Variants in CAMK1D observed in about 807,000 individuals in gnomAD.
The protein encoded by CAMK1D is calcium/calmodulin-dependent protein kinase type 1D.
A neutral mutation model predicts 47.7 loss-of-function variants in CAMK1D; 9 were observed. The ratio of observed to expected loss-of-function variants is 0.19; its 90% CI spans 0.11 to 0.33. CAMK1D has a LOEUF of 0.33. Ranked by LOEUF, CAMK1D falls within the 10% of genes least tolerant of loss-of-function variation. The probability of loss-of-function intolerance (pLI) is 1.00; values close to 1 mark genes in which losing one functional copy is unlikely to be tolerated. For missense variants in CAMK1D, 291 were observed against 488.7 expected (o/e 0.60, Z 3.81); for synonymous variants, 184 against 184.9 (o/e 0.99, Z 0.04).
intron 1 of CAMK1D, among the ~76,000 whole-genome samples, chr10:12,479,128 C>T (rs932483940): frequency 7.9e-5 from 12 of 152,194 alleles, no homozygotes; most frequent in Non-Finnish European, 1.5e-4. Flanking sequence ...AAAACGGCTC[C>T]TGGCCCTGCC....
At chr10:12,682,532 G>C (rs760488400) in intron 3 of CAMK1D, among the ~76,000 whole-genome samples, 1 of 152,174 alleles carries the variant, frequency 6.6e-6, no homozygotes, top group Non-Finnish European at 1.5e-5. Context: ...TTCAGAATTT[G>C]CTCATTTAGC....
At chr10:12,701,152 AC>A (rs1833503330) in intron 3 of CAMK1D, among the ~76,000 whole-genome samples, 1 of 147,246 alleles carries the variant, frequency 6.8e-6, no homozygotes, top group South Asian at 2.1e-4. Context: ...TACTCTTGTC[AC>A]CCAGGCTGGA....
chr10:12,402,140 C>T (rs923696601), intron 1 of CAMK1D, among the ~76,000 whole-genome samples: 1 of 151,800 alleles, frequency 6.6e-6, no homozygotes, highest in Non-Finnish European at 1.5e-5. Context: ...CAGGGTTTTG[C>T]CATGTTGGCC....
intron 1 of CAMK1D, among the ~76,000 whole-genome samples, chr10:12,531,231 C>T (rs142669852): frequency 1.3e-5 from 2 of 152,088 alleles, no homozygotes; most frequent in South Asian, 2.1e-4. Context: ...GAGAGACCAT[C>T]GCAGTTTGAT....
Position 12,831,108 on chromosome 10 carries a change from A to G in CAMK1D, c.*2221A>G, listed in dbSNP as rs569672952. 6.6e-6 allele frequency: 1 copy of G among 152,190 alleles called. No homozygotes were observed. Among genetic ancestry groups the G allele is most frequent in the Non-Finnish European group, 1.5e-5 (1 of 68,060 alleles). The allele number at this position is 152,190 out of a possible 1,614,324, so 9.4% of individuals were successfully genotyped here. On this transcript the variant is annotated 3_prime_UTR_variant, in exon 11 of 11. Transcript: ENST00000619168. ...CTCCACTGCTTGGCAGGAATTCTGC[A>G]TGGCATCTGCCACGCATGCTCACAG...
chr10:12,751,803 TGTG>T (rs1238197765), intron 3 of CAMK1D, among the ~76,000 whole-genome samples: 3 of 152,108 alleles, frequency 2.0e-5, no homozygotes, highest in Admixed American at 2.0e-4. Context: ...AGGGAAGCCA[TGTG>T]GTGGGCGGCT....
chr10:12,575,738 C>T lies in CAMK1D; in HGVS notation c.224+22382C>T, dbSNP rs576413449. 9.2e-5 allele frequency among the ~76,000 whole-genome samples: 14 copies of T among 152,288 alleles called. No homozygotes were observed. In the South Asian group the frequency reaches 2.5e-3, roughly 27 times the overall value. ...CTCATTCCCAGGGACCCGTGGACCC[C>T]CCAAGAATTCGCGCTCCTCTGCCTT... On this transcript the variant is annotated intron_variant, in intron 2 of 10. Coordinates refer to ENST00000619168, the MANE Select transcript of CAMK1D (RefSeq NM_153498.4).
intron 2 of CAMK1D, among the ~76,000 whole-genome samples, chr10:12,615,605 AGTAT>A (rs1838766530): frequency 6.6e-6 from 1 of 150,534 alleles, no homozygotes; most frequent in South Asian, 2.1e-4. Context: ...TGTGTTTGCA[AGTAT>A]GTATACGTAT....
chr10:12,459,345 A>C (rs957279368), intron 1 of CAMK1D, among the ~76,000 whole-genome samples: 2 of 152,230 alleles, frequency 1.3e-5, no homozygotes, highest in Non-Finnish European at 2.9e-5. Context: ...TTGCTTTCAC[A>C]ACAGTCAGGT....
intron 6 of CAMK1D, among the ~76,000 whole-genome samples, chr10:12,810,360 C>T (rs554409984): frequency 2.7e-5 from 4 of 150,776 alleles, no homozygotes; most frequent in Admixed American, 6.7e-5. Flanking sequence ...CTGCAACCTC[C>T]GCCTCCCGGG....
chr10:12,374,343 C>T (rs2131861819), intron 1 of CAMK1D, among the ~76,000 whole-genome samples: 1 of 151,590 alleles, frequency 6.6e-6, no homozygotes, highest in East Asian at 1.9e-4. Context: ...AGCCCCTTTA[C>T]AGTAATGGTT....
At chr10:12,769,122 A>G (rs1836916627) in intron 4 of CAMK1D, among the ~76,000 whole-genome samples, 1 of 152,178 alleles carries the variant, frequency 6.6e-6, no homozygotes, top group Non-Finnish European at 1.5e-5. Flanking sequence ...TTCCAATTCC[A>G]GATTCATTTA....
intron 1 of CAMK1D, among the ~76,000 whole-genome samples, chr10:12,400,286 A>G (rs750721656): frequency 3.3e-5 from 5 of 152,140 alleles, no homozygotes; most frequent in Non-Finnish European, 5.9e-5. Context: ...AGTGCATCCA[A>G]AGGAGGATTT....
intron 1 of CAMK1D, among the ~76,000 whole-genome samples, chr10:12,354,164 A>G (rs569964176): frequency 6.6e-6 from 1 of 152,248 alleles, no homozygotes; most frequent in South Asian, 2.1e-4. Context: ...ATGGATCTTC[A>G]TCTCCGCGGG....
chr10:12,602,581 C>T (rs12414386), intron 2 of CAMK1D, among the ~76,000 whole-genome samples: 125,563 of 152,104 alleles, frequency 0.83, 53,015 homozygotes, highest in Non-Finnish European at 0.93. Context: ...GGCAGCTTCA[C>T]CCCTCCTGGG....
chr10:12,448,030 T>A (rs145835976), intron 1 of CAMK1D, among the ~76,000 whole-genome samples: 26 of 150,222 alleles, frequency 1.7e-4, no homozygotes, highest in Middle Eastern at 3.4e-3. Flanking sequence ...TTTTTTCTGT[T>A]TTTAGTAGAG....
intron 5 of CAMK1D, among the ~76,000 whole-genome samples, chr10:12,774,246 A>G (rs1049031110): frequency 1.4e-4 from 21 of 152,138 alleles, no homozygotes; most frequent in African/African-American, 5.1e-4. Flanking sequence ...AGAAAAGATG[A>G]TAAGAAGTTT....
At chr10:12,476,223 C>T (rs763067481) in intron 1 of CAMK1D, among the ~76,000 whole-genome samples, 9 of 148,730 alleles carry the variant, frequency 6.1e-5, no homozygotes, top group South Asian at 4.3e-4. Flanking sequence ...ACCTGGGAGG[C>T]GGAGGTTGCA....
At chr10:12,495,443 T>C (rs1834509453) in intron 1 of CAMK1D, among the ~76,000 whole-genome samples, 1 of 152,230 alleles carries the variant, frequency 6.6e-6, no homozygotes, top group Non-Finnish European at 1.5e-5. Flanking sequence ...TTTCCGATGA[T>C]CTAAGACACT....
Sources: gnomAD v4.1 joint callset for allele counts (sites outside exome capture counted in the v4.1 genomes callset) on GRCh38, gnomAD v4.1.1 for gene constraint, MANE v1.5 for transcripts, NCBI Gene and HGNC (gene_info 2026-07-23, HGNC 2026-07-21) for gene names.